PTPRD: variants seen among roughly 807,000 people sequenced by gnomAD.
PTPRD encodes the protein protein tyrosine phosphatase receptor type D.
PTPRD carries 34 observed loss-of-function variants against 214.5 expected under a neutral mutation model. The observed-to-expected ratio is 0.16, with a 90% confidence interval of 0.12 to 0.21. The LOEUF is 0.21. Among genes scored for constraint, PTPRD ranks in the 10% least tolerant of loss-of-function variants. The probability of loss-of-function intolerance (pLI) is 1.00; values close to 1 mark genes in which losing one functional copy is unlikely to be tolerated. For synonymous variants in PTPRD, 1,128 were observed against 845.7 expected (o/e 1.33, Z -5.79); for missense variants, 2,545 against 2,398.7 (o/e 1.06, Z -1.27).
intron 3 of PTPRD, among the ~76,000 whole-genome samples, chr9:10,113,721 A>C (rs2098709325): frequency 6.6e-6 from 1 of 152,186 alleles, no homozygotes; most frequent in Non-Finnish European, 1.5e-5. Flanking sequence ...AAAAATCTTT[A>C]AGACAATGCT....
intron 3 of PTPRD, among the ~76,000 whole-genome samples, chr9:10,172,771 G>A (rs187964622): frequency 6.6e-6 from 1 of 152,288 alleles, no homozygotes; most frequent in East Asian, 1.9e-4. Flanking sequence ...AGGCCTGCTA[G>A]TGATACCCAG....
chr9:9,678,795 T>C (rs959619038), intron 7 of PTPRD, among the ~76,000 whole-genome samples: 1 of 151,766 alleles, frequency 6.6e-6, no homozygotes, highest in African/African-American at 2.4e-5. Context: ...ACTACCACAT[T>C]CCAGTGAATG....
chr9:8,636,407 T>C (rs938929105), intron 13 of PTPRD, among the ~76,000 whole-genome samples: 3 of 152,098 alleles, frequency 2.0e-5, no homozygotes, highest in Non-Finnish European at 2.9e-5. Flanking sequence ...CCTACAGACG[T>C]GGTCCTGTGA....
At chr9:8,846,613 TG>T (rs1566573195) in intron 11 of PTPRD, among the ~76,000 whole-genome samples, 2 of 152,024 alleles carry the variant, frequency 1.3e-5, no homozygotes, top group South Asian at 4.2e-4. Context: ...ATGGAAGGGT[TG>T]GGGACATTCC....
chr9:8,941,752 T>G (rs1040923477), intron 11 of PTPRD, among the ~76,000 whole-genome samples: 1 of 152,114 alleles, frequency 6.6e-6, no homozygotes, highest in African/African-American at 2.4e-5. Flanking sequence ...CATCAAGGGC[T>G]TTTAAGTAGT....
chr9:8,451,314 A>C (rs1256916379), intron 33 of PTPRD, among the ~76,000 whole-genome samples: 1 of 152,200 alleles, frequency 6.6e-6, no homozygotes, highest in Non-Finnish European at 1.5e-5. Context: ...TAAAGGTGTC[A>C]GATACAGCCT....
At chr9:10,494,119 C>G (rs2041263229) in intron 2 of PTPRD, among the ~76,000 whole-genome samples, 1 of 151,898 alleles carries the variant, frequency 6.6e-6, no homozygotes, top group Non-Finnish European at 1.5e-5. Flanking sequence ...ATACCTCCAA[C>G]TCCTTTTCAA....
chr9:9,829,156 A>G (rs1335037708), intron 5 of PTPRD, among the ~76,000 whole-genome samples: 1 of 151,952 alleles, frequency 6.6e-6, no homozygotes, highest in Non-Finnish European at 1.5e-5. Flanking sequence ...TACGTAGAAC[A>G]TTGTATTAAA....
chr9:10,224,093 T>C (rs1324799130), intron 3 of PTPRD, among the ~76,000 whole-genome samples: 3 of 151,926 alleles, frequency 2.0e-5, no homozygotes, highest in Non-Finnish European at 2.9e-5. Context: ...ATGAAGATAA[T>C]TTCAGTTGCC....
chr9:9,995,004 A>G (rs1347059585), intron 4 of PTPRD, among the ~76,000 whole-genome samples: 4 of 152,248 alleles, frequency 2.6e-5, no homozygotes, highest in South Asian at 2.1e-4. Flanking sequence ...GTACATTTAC[A>G]TATATAAGCA....
At chr9:8,790,327 A>T (rs1231346860) in intron 11 of PTPRD, among the ~76,000 whole-genome samples, 3 of 152,156 alleles carry the variant, frequency 2.0e-5, no homozygotes, top group Non-Finnish European at 2.9e-5. Context: ...CATTTATAAA[A>T]AAATAAATAA....
At chr9:8,374,864 T>C (rs1346196490) in intron 39 of PTPRD, among the ~76,000 whole-genome samples, 2 of 151,958 alleles carry the variant, frequency 1.3e-5, no homozygotes, top group Non-Finnish European at 2.9e-5. Context: ...CTAGGTGAAT[T>C]TCACTGCTTT....
intron 2 of PTPRD, among the ~76,000 whole-genome samples, chr9:10,345,907 C>T (rs1426483731): frequency 1.3e-5 from 2 of 152,172 alleles, no homozygotes; most frequent in Admixed American, 6.5e-5. Flanking sequence ...TATTTCTCCA[C>T]ATCCTCTCCA....
chr9:9,013,481 G>T (rs1329342061), intron 11 of PTPRD, among the ~76,000 whole-genome samples: 1 of 152,124 alleles, frequency 6.6e-6, no homozygotes, highest in Non-Finnish European at 1.5e-5. Flanking sequence ...TTAACAAATA[G>T]TGTTTTTTTG....
At chr9:9,572,137 C>A (rs1162837109) in intron 8 of PTPRD, among the ~76,000 whole-genome samples, 1 of 151,234 alleles carries the variant, frequency 6.6e-6, no homozygotes, top group African/African-American at 2.4e-5. Context: ...ATGAGAAAAT[C>A]CACCAAAGAG....
At chr9:10,005,089 T>C (rs2154098358) in intron 4 of PTPRD, among the ~76,000 whole-genome samples, 1 of 152,258 alleles carries the variant, frequency 6.6e-6, no homozygotes, top group Non-Finnish European at 1.5e-5. Flanking sequence ...GTGGACACTA[T>C]TTCCTATAAG....
intron 3 of PTPRD, among the ~76,000 whole-genome samples, chr9:10,134,707 T>TA (rs1017103146): frequency 5.3e-5 from 8 of 151,576 alleles, no homozygotes; most frequent in Non-Finnish European, 1.2e-4. Flanking sequence ...AAAATTATAT[T>TA]AAAAAAAAGC....
At chr9:9,470,008 G>T (rs1051749146) in intron 8 of PTPRD, among the ~76,000 whole-genome samples, 3 of 152,104 alleles carry the variant, frequency 2.0e-5, no homozygotes, top group African/African-American at 4.8e-5. Flanking sequence ...GAATACTGGG[G>T]TGGATGAACT....
At chr9:9,876,963 T>A (rs996676578) in intron 5 of PTPRD, among the ~76,000 whole-genome samples, 3 of 152,212 alleles carry the variant, frequency 2.0e-5, no homozygotes, top group Admixed American at 2.0e-4. Flanking sequence ...AAAACATAAG[T>A]TGCCTGTATA....
Sources: allele counts gnomAD v4.1 joint callset (sites outside exome capture counted in the v4.1 genomes callset), GRCh38; gene constraint gnomAD v4.1.1; transcripts MANE v1.5; gene names NCBI Gene and HGNC (gene_info 2026-07-23, HGNC 2026-07-21).